The following DAPP1 variants were observed in gnomAD, a reference collection of about 807,000 sequenced individuals.
DAPP1 encodes the protein dual adaptor of phosphotyrosine and 3-phosphoinositides 1, also known as dual adapter for phosphotyrosine and 3-phosphotyrosine and 3-phosphoinositide.
In DAPP1, 20 loss-of-function variants were observed where a neutral mutation model predicts 41.5. The ratio of observed to expected loss-of-function variants is 0.48; its 90% CI spans 0.34 to 0.70. The LOEUF is 0.70. DAPP1 is among the 30% of genes least tolerant of loss of function. The pLI, the probability that DAPP1 is intolerant of heterozygous loss-of-function variation, is 0.01. For missense variants in DAPP1, 233 were observed against 333.4 expected (o/e 0.70, Z 2.35); for synonymous variants, 113 against 116.2 (o/e 0.97, Z 0.18).
At chr4:99,835,505 G>A in intron 1 of DAPP1, 118 bp from the exon 2 acceptor site, 1 of 1,436,324 alleles carries the variant, frequency 7.0e-7, no homozygotes, top group Non-Finnish European at 9.4e-7. Context: ...TGAGAGCTGG[G>A]TCTCTGGGCT....
intron 8 of DAPP1, among the ~76,000 whole-genome samples, chr4:99,866,907 T>C (rs1348681656): frequency 6.6e-6 from 1 of 151,466 alleles, no homozygotes; most frequent in Non-Finnish European, 1.5e-5. Flanking sequence ...ATAGCTGGGA[T>C]TATAGGAGCT....
At chr4:99,820,287 C>T (rs938899550) in intron 1 of DAPP1, among the ~76,000 whole-genome samples, 6 of 152,092 alleles carry the variant, frequency 3.9e-5, no homozygotes, top group Admixed American at 3.3e-4. Context: ...GGAGATATCA[C>T]CTAAGTAACA....
At chr4:99,838,866 A>G (rs1212113201) in intron 2 of DAPP1, among the ~76,000 whole-genome samples, 1 of 152,232 alleles carries the variant, frequency 6.6e-6, no homozygotes, top group Non-Finnish European at 1.5e-5. Context: ...AGAAAGCAAG[A>G]TAAGTGTTTA....
intron 3 of DAPP1, among the ~76,000 whole-genome samples, chr4:99,843,396 C>CT (rs911578206): frequency 4.6e-5 from 7 of 152,056 alleles, no homozygotes; most frequent in Admixed American, 6.6e-5. Flanking sequence ...TTTAAGATAT[C>CT]TTTTTTTTCT....
chr4:99,844,446 G>C (rs1225421384), intron 3 of DAPP1: 1 of 152,078 alleles, frequency 6.6e-6, no homozygotes, highest in African/African-American at 2.4e-5. Context: ...AATATGTTTG[G>C]TCCATTATTA....
intron 3 of DAPP1, among the ~76,000 whole-genome samples, chr4:99,852,245 T>G (rs1723888163): frequency 6.6e-6 from 1 of 152,208 alleles, no homozygotes; most frequent in Non-Finnish European, 1.5e-5. Context: ...GTTGAATGAA[T>G]TGCTGAATTC....
intron 1 of DAPP1, among the ~76,000 whole-genome samples, chr4:99,832,092 A>G (rs1160071384): frequency 6.6e-6 from 1 of 152,020 alleles, no homozygotes; most frequent in Non-Finnish European, 1.5e-5. Flanking sequence ...TCTTGGATAT[A>G]GTTTGCAATA....
rs1578360710 is a variant in DAPP1 at position 99,839,732 on chromosome 4, G to A, written c.225-557G>A. ...AAGGACTCTTTTGGTAAGTCTAGGA[G>A]TAGATAGGGAGAACAGTCTCTTGTC... is the stretch of plus-strand genomic sequence containing the variant. On this transcript the variant is annotated intron_variant, in intron 2 of 8. Coordinates refer to ENST00000512369, the MANE Select transcript of DAPP1 (RefSeq NM_014395.3). 5.3e-5 allele frequency among the ~76,000 whole-genome samples: 8 copies of A among 152,290 alleles called. 2 individuals are homozygous for A. Among genetic ancestry groups the A allele is most frequent in the Admixed American group, 5.2e-4 (8 of 15,292 alleles).
At chr4:99,854,044 C>G (rs1330387870) in intron 4 of DAPP1, among the ~76,000 whole-genome samples, 1 of 152,128 alleles carries the variant, frequency 6.6e-6, no homozygotes, top group African/African-American at 2.4e-5. Flanking sequence ...ATATTCTCCA[C>G]CTTTACTATA....
At chr4:99,857,735 C>CACACACAT (rs1291513193) in intron 4 of DAPP1, among the ~76,000 whole-genome samples, 2 of 145,314 alleles carry the variant, frequency 1.4e-5, no homozygotes, top group African/African-American at 5.1e-5. Context: ...CACACACACA[C>CACACACAT]ATAAAATAAT....
At position 99,835,634 on chromosome 4, in the gene DAPP1, G is replaced by A. The variant is rs1314674975; in HGVS notation, c.113G>A (p.Gly38Asp). The change falls in exon 2 of 9, where the codon GGC becomes GAC. Residue 38 changes from glycine to aspartate, a missense_variant. Physicochemically the swap from Gly to Asp is moderately conservative, Grantham distance 94 (BLOSUM62 -1). Transcript: ENST00000512369. The stretch of plus-strand genomic sequence containing the variant: ...TCCCTCCTTTCTAGGTGGTATCACG[G>A]CAACCTCACACGCCATGCTGCTGAA... ...ELLQDLGWYHGNLTRHAAEAL... is the reference protein window; with the variant it reads ...ELLQDLGWYHDNLTRHAAEAL... The A allele has an allele frequency of 1.9e-6, 3 of 1,613,188 alleles. No individual in the cohort carries two copies. Among genetic ancestry groups the A allele is most frequent in the African/African-American group, 1.3e-5 (1 of 75,012 alleles).
intron 4 of DAPP1, among the ~76,000 whole-genome samples, chr4:99,855,912 G>T (rs1724029390): frequency 1.3e-5 from 2 of 152,172 alleles, no homozygotes; most frequent in South Asian, 4.1e-4. Flanking sequence ...AGAATTAAAA[G>T]AACTTCTTGT....
chr4:99,840,078 AAATG>A (rs1021461671), intron 2 of DAPP1, among the ~76,000 whole-genome samples: 14 of 152,172 alleles, frequency 9.2e-5, no homozygotes, highest in Admixed American at 1.3e-4. Flanking sequence ...GTAAATAAAT[AAATG>A]AATTAATTAA....
chr4:99,830,678 C>T (rs755572746), intron 1 of DAPP1, among the ~76,000 whole-genome samples: 3 of 152,146 alleles, frequency 2.0e-5, no homozygotes, highest in African/African-American at 4.8e-5. Context: ...TTTGCTGCTG[C>T]TATTCCCTCC....
chr4:99,853,098 G>A (rs551362522), intron 3 of DAPP1, 120 bp from the exon 4 acceptor site: 684 of 1,109,502 alleles, frequency 6.2e-4, no homozygotes, highest in Middle Eastern at 1.2e-3. Flanking sequence ...TTGAGATAAT[G>A]AGCGAGGGAA....
At chr4:99,864,156 A>G (rs1724338866) in intron 7 of DAPP1, 1 of 194,788 alleles carries the variant, frequency 5.1e-6, no homozygotes, top group Non-Finnish European at 1.0e-5. Context: ...TTTATTTATA[A>G]CTTTGTTGAC....
rs771238451 is a variant in DAPP1, at chr4:99,840,431, T to G, written c.358+9T>G. 7 of 1,608,680 alleles carry G rather than the reference T, an allele frequency of 4.4e-6. No homozygotes were observed. On this transcript the variant is annotated intron_variant, in intron 3 of 8. Transcript: ENST00000512369. ...GATTGGAAGCGAGACAGGTAAGCTA[T>G]GAGCAGACACTTGACTTATGAAATA...
rs563321643 is a variant in DAPP1 at position 99,835,604 on chromosome 4, G to C, written c.102-19G>C. On this transcript the variant is annotated intron_variant, in intron 1 of 8. Coordinates refer to ENST00000512369, the MANE Select transcript of DAPP1 (RefSeq NM_014395.3). ...GCCATGGTTTGGCCTGAGTGAAAGC[G>C]CTGTTCCCTCCTTTCTAGGTGGTAT... 3 of 1,610,614 alleles carry C rather than the reference G, an allele frequency of 1.9e-6. No homozygotes were observed. Among genetic ancestry groups the C allele is most frequent in the Non-Finnish European group, 2.5e-6 (3 of 1,179,370 alleles).
At chr4:99,836,438 A>G (rs1360214522) in intron 2 of DAPP1, among the ~76,000 whole-genome samples, 2 of 152,206 alleles carry the variant, frequency 1.3e-5, no homozygotes, top group African/African-American at 4.8e-5. Context: ...TTCCACTGAC[A>G]TGTAGCAAGT....
Sources: gnomAD v4.1 joint callset for allele counts (sites outside exome capture counted in the v4.1 genomes callset) on GRCh38, gnomAD v4.1.1 for gene constraint, MANE v1.5 for transcripts, NCBI Gene and HGNC (gene_info 2026-07-23, HGNC 2026-07-21) for gene names.